The following SND1 variants were observed in gnomAD, a reference collection of about 807,000 sequenced individuals.
SND1 encodes the protein staphylococcal nuclease domain-containing protein 1.
A neutral mutation model predicts 121.7 loss-of-function variants in SND1; 38 were observed. The observed-to-expected ratio is 0.31, with a 90% confidence interval of 0.24 to 0.41. The LOEUF (loss-of-function observed/expected upper bound fraction) is 0.41, where lower values mean the gene tolerates loss of function less well. SND1 is among the 10% of genes least tolerant of loss of function. The probability of loss-of-function intolerance (pLI) is 1.00; values close to 1 mark genes in which losing one functional copy is unlikely to be tolerated. For synonymous variants in SND1, 401 were observed against 447.4 expected (o/e 0.90, Z 1.31); for missense variants, 868 against 1,184.6 (o/e 0.73, Z 3.92).
intron 16 of SND1, among the ~76,000 whole-genome samples, chr7:128,000,750 T>C (rs536883952): frequency 9.2e-5 from 14 of 152,370 alleles, no homozygotes; most frequent in African/African-American, 3.1e-4. Context: ...TTGCAAGCCA[T>C]GCCCATTGTC....
intron 10 of SND1, among the ~76,000 whole-genome samples, chr7:127,724,623 T>A (rs1170823862): frequency 6.6e-6 from 1 of 152,218 alleles, no homozygotes; most frequent in Non-Finnish European, 1.5e-5. Flanking sequence ...GACCACTTGT[T>A]GAAGGCTTAT....
intron 15 of SND1, among the ~76,000 whole-genome samples, chr7:127,945,753 A>G (rs1378598792): frequency 6.6e-6 from 1 of 152,146 alleles, no homozygotes; most frequent in African/African-American, 2.4e-5. Context: ...CTGAGTTTCT[A>G]ATAATAGTTT....
intron 12 of SND1, among the ~76,000 whole-genome samples, chr7:127,877,889 A>G (rs969196416): frequency 6.6e-6 from 1 of 152,062 alleles, no homozygotes; most frequent in Non-Finnish European, 1.5e-5. Flanking sequence ...TGAAGTTTCA[A>G]TGGGTATGTG....
At position 127,694,626 on chromosome 7, in the gene SND1, T is replaced by G. The variant is rs987134907; in HGVS notation, c.229-202T>G. 5 of 545,666 alleles carry G rather than the reference T, an allele frequency of 9.2e-6. No homozygotes were observed. In the African/African-American group the frequency reaches 9.6e-5, roughly 10 times the overall value. 33.8% of individuals were successfully genotyped at this position (545,666 alleles called of 1,614,324 possible). Reference sequence around the variant, plus strand: ...TAGTGTCTGTGTTAGTTAAACCAACTGCTGGACCCTCCTTTTTTTATGAGC... The same window carrying G: ...TAGTGTCTGTGTTAGTTAAACCAACGGCTGGACCCTCCTTTTTTTATGAGC... On this transcript the variant is annotated intron_variant, in intron 2 of 23. Coordinates refer to ENST00000354725, the MANE Select transcript of SND1 (RefSeq NM_014390.4).
intron 10 of SND1, among the ~76,000 whole-genome samples, chr7:127,770,605 CT>C (rs1344140267): frequency 1.3e-5 from 2 of 152,132 alleles, no homozygotes; most frequent in Admixed American, 1.3e-4. Flanking sequence ...TAAGTGGAGT[CT>C]TTGGGACTAG....
intron 16 of SND1, among the ~76,000 whole-genome samples, chr7:128,068,675 C>T (rs373582446): frequency 2.0e-5 from 3 of 152,176 alleles, no homozygotes; most frequent in Non-Finnish European, 4.4e-5. Context: ...ATTTCAGCCA[C>T]GGAGCTGGGG....
At chr7:128,026,090 A>G (rs2116972282) in intron 16 of SND1, among the ~76,000 whole-genome samples, 1 of 152,014 alleles carries the variant, frequency 6.6e-6, no homozygotes, top group South Asian at 2.1e-4. Context: ...TTCCTCCGCA[A>G]TTTCCTCTGA....
intron 10 of SND1, among the ~76,000 whole-genome samples, chr7:127,737,238 G>T (rs191101000): frequency 6.6e-6 from 1 of 152,210 alleles, no homozygotes; most frequent in South Asian, 2.1e-4. Flanking sequence ...TCTACTGTGC[G>T]TGAAGTCTGA....
At chr7:128,010,120 A>C (rs113120655) in intron 16 of SND1, among the ~76,000 whole-genome samples, 29 of 152,246 alleles carry the variant, frequency 1.9e-4, no homozygotes, top group Admixed American at 9.8e-4. Context: ...CAGATCATCC[A>C]GGCAGCACGC....
At chr7:127,896,261 A>G (rs1800117864) in intron 13 of SND1, among the ~76,000 whole-genome samples, 2 of 151,970 alleles carry the variant, frequency 1.3e-5, no homozygotes, top group African/African-American at 2.4e-5. Flanking sequence ...CCTCTTGGCT[A>G]AGAGGCTCTT....
At chr7:127,915,244 G>A (rs1475889346) in intron 14 of SND1, among the ~76,000 whole-genome samples, 1 of 151,984 alleles carries the variant, frequency 6.6e-6, no homozygotes, top group Admixed American at 6.6e-5. Flanking sequence ...GAACTCCTGG[G>A]CTCAAGCGCG....
chr7:128,085,548 A>G lies in SND1; in HGVS notation c.2235-163A>G, dbSNP rs1319453512. 6.6e-6 allele frequency among the ~76,000 whole-genome samples: 1 copy of G among 152,072 alleles called. No individual in the cohort carries two copies. The highest frequency in any genetic ancestry group is 1.9e-4 in the East Asian group (1 of 5,182). On this transcript the variant is annotated intron_variant, in intron 19 of 23. Coordinates refer to ENST00000354725, the MANE Select transcript of SND1 (RefSeq NM_014390.4). This position sits in a 1 kb window ranked among gnomAD's most constrained non-coding sequence, Gnocchi z 4.4. ...TCTGATTCCATTAGGTGGTGACCACAGTGGCCGAGGCTGGGCCTAGATGGA... is the reference window on the plus strand; with the variant it reads ...TCTGATTCCATTAGGTGGTGACCACGGTGGCCGAGGCTGGGCCTAGATGGA...
chr7:127,902,760 A>G (rs1554441350), intron 13 of SND1, among the ~76,000 whole-genome samples: 1 of 151,958 alleles, frequency 6.6e-6, no homozygotes, highest in Non-Finnish European at 1.5e-5. Context: ...TCTTTCGCCC[A>G]GGTTAGAGTG....
At chr7:127,751,283 G>T (rs1344620765) in intron 10 of SND1, among the ~76,000 whole-genome samples, 6 of 152,130 alleles carry the variant, frequency 3.9e-5, no homozygotes, top group African/African-American at 1.2e-4. Context: ...AGCATTGCTA[G>T]GGGGCTTTTG....
intron 15 of SND1, among the ~76,000 whole-genome samples, chr7:127,952,226 A>G (rs1183469612): frequency 6.6e-6 from 1 of 152,210 alleles, no homozygotes; most frequent in Non-Finnish European, 1.5e-5. Context: ...ATATTCTTAT[A>G]TATAAGTTTA....
At chr7:128,067,218 A>G (rs1793331728) in intron 16 of SND1, among the ~76,000 whole-genome samples, 1 of 152,312 alleles carries the variant, frequency 6.6e-6, no homozygotes, top group East Asian at 1.9e-4. Flanking sequence ...AGAGAGGTGC[A>G]GTGTGCCCAG....
chr7:127,760,727 C>T (rs894912891), intron 10 of SND1, among the ~76,000 whole-genome samples: 2 of 152,144 alleles, frequency 1.3e-5, no homozygotes, highest in African/African-American at 4.8e-5. Flanking sequence ...AACTTTTTTC[C>T]CTTAACCTAA....
At chr7:127,991,659 G>A (rs1470726548) in intron 16 of SND1, among the ~76,000 whole-genome samples, 1 of 152,144 alleles carries the variant, frequency 6.6e-6, no homozygotes, top group African/African-American at 2.4e-5. Context: ...AGGAGCAGCA[G>A]GGAGGTGTGC....
intron 12 of SND1, among the ~76,000 whole-genome samples, chr7:127,855,511 T>G (rs537303711): frequency 5.9e-4 from 48 of 81,062 alleles, no homozygotes; most frequent in African/African-American, 1.4e-3. Flanking sequence ...TAGTTTTTTT[T>G]GTTTTTTTGA....
Sources: gnomAD v4.1 joint callset for allele counts (sites outside exome capture counted in the v4.1 genomes callset) on GRCh38, gnomAD v4.1.1 for gene constraint, Gnocchi (gnomAD v3.1) non-coding constraint, MANE v1.5 for transcripts, NCBI Gene and HGNC (gene_info 2026-07-23, HGNC 2026-07-21) for gene names.